The following UBL3 variants were observed in gnomAD, a reference collection of about 807,000 sequenced individuals.
UBL3 encodes ubiquitin like 3, also known as ubiquitin-like protein 3.
Under a neutral mutation model 18.4 loss-of-function variants are expected in UBL3, and 6 were observed. The observed-to-expected ratio is 0.33, with a 90% confidence interval of 0.18 to 0.64. The LOEUF (loss-of-function observed/expected upper bound fraction) is 0.64, where lower values mean the gene tolerates loss of function less well. Ranked by LOEUF, UBL3 falls within the 30% of genes least tolerant of loss-of-function variation. The pLI is 0.76. For missense variants in UBL3, 109 were observed against 142.9 expected, an observed-to-expected ratio of 0.76 and a Z score of 1.21; for synonymous variants, 49 against 46.6, an observed-to-expected ratio of 1.05 and a Z score of -0.21.
intron 1 of UBL3, among the ~76,000 whole-genome samples, chr13:29,793,366 G>C (rs1168656691): frequency 1.3e-5 from 2 of 152,126 alleles, no homozygotes; most frequent in African/African-American, 4.8e-5. Flanking sequence ...ATGGATCCCT[G>C]GCACTGAGCT....
At chr13:29,837,272 T>C (rs534402639) in intron 1 of UBL3, among the ~76,000 whole-genome samples, 173 of 152,108 alleles carry the variant, frequency 1.1e-3, no homozygotes, top group Non-Finnish European at 1.8e-3. Context: ...GGTATGACGG[T>C]CATCAGACAG....
chr13:29,769,816 T>C (rs1008507716), intron 3 of UBL3, among the ~76,000 whole-genome samples: 2 of 152,056 alleles, frequency 1.3e-5, no homozygotes, highest in African/African-American at 4.8e-5. Flanking sequence ...TAACCAAACA[T>C]TTCAACCTGA....
At chr13:29,830,636 C>T (rs1878748357) in intron 1 of UBL3, among the ~76,000 whole-genome samples, 1 of 152,188 alleles carries the variant, frequency 6.6e-6, no homozygotes, top group Admixed American at 6.5e-5. Context: ...TAGAAATATT[C>T]ACCTTTGTAA....
At chr13:29,845,321 A>G (rs1419017492) in intron 1 of UBL3, among the ~76,000 whole-genome samples, 5 of 152,116 alleles carry the variant, frequency 3.3e-5, no homozygotes, top group African/African-American at 7.2e-5. Context: ...TATATTATTT[A>G]TTAAGCTATT....
At chr13:29,835,136 ATATATAT>A (rs1878913681) in intron 1 of UBL3, among the ~76,000 whole-genome samples, 4 of 8,728 alleles carry the variant, frequency 4.6e-4, no homozygotes, top group Admixed American at 1.3e-3. Flanking sequence ...ATATATATAT[ATATATAT>A]ATATATATAT....
At chr13:29,767,926 A>G (rs1017743283) in intron 3 of UBL3, among the ~76,000 whole-genome samples, 1 of 152,094 alleles carries the variant, frequency 6.6e-6, no homozygotes, top group African/African-American at 2.4e-5. Flanking sequence ...ATTTATCCAT[A>G]TTAAGAGATG....
At chr13:29,832,998 TAAAA>T (rs1470666955) in intron 1 of UBL3, among the ~76,000 whole-genome samples, 3 of 152,044 alleles carry the variant, frequency 2.0e-5, no homozygotes, top group Non-Finnish European at 4.4e-5. Flanking sequence ...GCACAGGAGT[TAAAA>T]GAAAGATTAT....
intron 1 of UBL3, among the ~76,000 whole-genome samples, chr13:29,809,334 C>A (rs545089671): frequency 6.6e-6 from 1 of 152,128 alleles, no homozygotes; most frequent in African/African-American, 2.4e-5. Flanking sequence ...GCAGTGGGAA[C>A]TTCATGCATA....
intron 1 of UBL3, among the ~76,000 whole-genome samples, chr13:29,810,324 T>G (rs1441870540): frequency 6.6e-6 from 1 of 152,074 alleles, no homozygotes; most frequent in Non-Finnish European, 1.5e-5. Flanking sequence ...GTATTTAGCC[T>G]GGGAACTGAT....
At chr13:29,833,564 T>A (rs971220019) in intron 1 of UBL3, among the ~76,000 whole-genome samples, 2 of 152,150 alleles carry the variant, frequency 1.3e-5, no homozygotes, top group Non-Finnish European at 2.9e-5. Context: ...TACAATATAA[T>A]TCCCTAAGAT....
intron 1 of UBL3, among the ~76,000 whole-genome samples, chr13:29,813,769 T>A (rs1878180624): frequency 6.6e-6 from 1 of 152,064 alleles, no homozygotes; most frequent in Admixed American, 6.6e-5. Context: ...CCTTCCCTCA[T>A]ACTGAGAGAT....
intron 1 of UBL3, among the ~76,000 whole-genome samples, chr13:29,794,383 T>C (rs983453763): frequency 3.3e-5 from 5 of 151,912 alleles, no homozygotes; most frequent in African/African-American, 1.2e-4. Flanking sequence ...CACCCCTACC[T>C]ATATGCATGT....
intron 1 of UBL3, among the ~76,000 whole-genome samples, chr13:29,807,970 T>C (rs1326880849): frequency 6.6e-6 from 1 of 152,168 alleles, no homozygotes; most frequent in East Asian, 1.9e-4. Flanking sequence ...ATTTTATAAA[T>C]TCTTTGTAGT....
intron 1 of UBL3, among the ~76,000 whole-genome samples, chr13:29,785,362 C>A (rs1040497087): frequency 6.6e-6 from 1 of 151,894 alleles, no homozygotes; most frequent in Non-Finnish European, 1.5e-5. Context: ...TTTTTAAGTG[C>A]TCAACTTTTT....
At chr13:29,790,057 T>C (rs1877442303) in intron 1 of UBL3, among the ~76,000 whole-genome samples, 1 of 152,210 alleles carries the variant, frequency 6.6e-6, no homozygotes, top group East Asian at 1.9e-4. Flanking sequence ...TAATGCTTGA[T>C]GCCATGGCTA....
intron 3 of UBL3, among the ~76,000 whole-genome samples, chr13:29,770,575 C>A (rs1344872580): frequency 1.3e-5 from 2 of 151,954 alleles, no homozygotes; most frequent in Non-Finnish European, 2.9e-5. Context: ...TGGGAAATTG[C>A]TCACATAGAT....
intron 1 of UBL3, among the ~76,000 whole-genome samples, chr13:29,800,706 T>G (rs1416511110): frequency 6.6e-6 from 1 of 152,190 alleles, no homozygotes; most frequent in Admixed American, 6.5e-5. Flanking sequence ...AGTCAACCTT[T>G]CGGCAGGATA....
intron 1 of UBL3, among the ~76,000 whole-genome samples, chr13:29,839,980 A>C (rs1317396885): frequency 6.6e-6 from 1 of 151,888 alleles, no homozygotes; most frequent in Non-Finnish European, 1.5e-5. Flanking sequence ...CTGACAATTA[A>C]TGACTTAAGT....
At position 29,777,202 on chromosome 13, in the gene UBL3, T is replaced by C; in HGVS notation, c.89A>G (p.Asp30Gly). ...ATGCTTTGCAATGTCAGAAGCAGAA[T>C]CGTTAGGAGAAAACAGGAACTCTTT... ...KTKEFLFSPNDSASDIAKHVY... is the reference protein window; with the variant it reads ...KTKEFLFSPNGSASDIAKHVY... Residue 30 changes from aspartate to glycine, a missense_variant, in exon 2 of 5, where the codon GAT becomes GGT. Coordinates refer to ENST00000380680, the MANE Select transcript of UBL3 (RefSeq NM_007106.4). The C allele has an allele frequency of 6.2e-7, 1 of 1,609,786 alleles. No individual in the cohort carries two copies. Among genetic ancestry groups the C allele is most frequent in the Non-Finnish European group, 8.5e-7 (1 of 1,177,910 alleles).
Sources: gnomAD v4.1 joint callset for allele counts (sites outside exome capture counted in the v4.1 genomes callset) on GRCh38, gnomAD v4.1.1 for gene constraint, MANE v1.5 for transcripts, NCBI Gene and HGNC (gene_info 2026-07-23, HGNC 2026-07-21) for gene names.